NPSR1: variants seen among roughly 807,000 people sequenced by gnomAD.
NPSR1 encodes the protein neuropeptide S receptor.
Under a neutral mutation model 46.9 loss-of-function variants are expected in NPSR1, and 48 were observed. The ratio of observed to expected loss-of-function variants is 1.02; its 90% CI spans 0.81 to 1.30. The LOEUF is 1.30. NPSR1 is among the 50% of genes most tolerant of loss of function. The probability of loss-of-function intolerance (pLI) is 0.00; values close to 1 mark genes in which losing one functional copy is unlikely to be tolerated. For missense variants in NPSR1, 450 were observed against 449.5 expected, an observed-to-expected ratio of 1.00 and a Z score of -0.01; for synonymous variants, 176 against 168.1, an observed-to-expected ratio of 1.05 and a Z score of -0.36.
chr7:34,849,366 C>T, intron 8 of NPSR1, 199 bp from the exon 9 acceptor site: 1 of 1,552,004 alleles, frequency 6.4e-7, no homozygotes, highest in Non-Finnish European at 8.7e-7. Context: ...TGTCTCTGTC[C>T]TCTGGGCTCT....
rs894644797 is a variant in NPSR1, at chr7:34,844,927, A to T, written c.789A>T (p.Gly263=). The part of the protein sequence containing the change: ...DGKLCSSYNR[G]LISKAKIKAI... ...AACTGTGCAGCAGCTATAACCGAGG[A>T]CTCATCTCAAAGGCAAAAATCAAGG... Residue 263 remains glycine (G), a synonymous_variant, in exon 7 of 9, where the codon GGA becomes GGT. Coordinates refer to ENST00000360581, the MANE Select transcript of NPSR1 (RefSeq NM_207172.2). The T allele has an allele frequency of 6.2e-7, 1 of 1,612,264 alleles. No individual in the cohort carries two copies.
intron 3 of NPSR1, among the ~76,000 whole-genome samples, chr7:34,802,646 A>G (rs1469686330): frequency 6.6e-6 from 1 of 150,458 alleles, no homozygotes; most frequent in Admixed American, 6.6e-5. Flanking sequence ...CATTCAGGAC[A>G]TAGGCATGGG....
At chr7:34,776,881 C>T (rs956548794) in intron 2 of NPSR1, among the ~76,000 whole-genome samples, 5 of 152,168 alleles carry the variant, frequency 3.3e-5, no homozygotes, top group Non-Finnish European at 5.9e-5. Context: ...CTTGGAAAGG[C>T]GGCCTCTCAG....
chr7:34,682,186 G>A (rs935271498), intron 1 of NPSR1, among the ~76,000 whole-genome samples: 1 of 152,198 alleles, frequency 6.6e-6, no homozygotes, highest in Non-Finnish European at 1.5e-5. Flanking sequence ...AAGGAATAGG[G>A]AAGAAAGAGA....
chr7:34,864,065 C>A (rs1484196365), intron 8 of NPSR1, among the ~76,000 whole-genome samples: 1 of 151,692 alleles, frequency 6.6e-6, no homozygotes, highest in Non-Finnish European at 1.5e-5. Flanking sequence ...AGTTCATGTC[C>A]TTTGCAGGGA....
intron 2 of NPSR1, chr7:34,685,604 A>T (rs2128685238): frequency 3.1e-6 from 1 of 327,112 alleles, no homozygotes; most frequent in Admixed American, 4.4e-5. Context: ...CTGTACTGTT[A>T]TCTCAGCTGT....
intron 2 of NPSR1, among the ~76,000 whole-genome samples, chr7:34,774,053 T>G (rs1048931278): frequency 6.6e-6 from 1 of 152,180 alleles, no homozygotes; most frequent in Middle Eastern, 3.2e-3. Flanking sequence ...TATACATATA[T>G]TCACACCTTA....
chr7:34,830,201 T>A lies in NPSR1; in HGVS notation c.680+2599T>A, dbSNP rs755256579. The stretch of plus-strand genomic sequence containing the variant: ...CTTATTCTGTCTTTATTACCTATAT[T>A]CTGGCCCCCTGGGCTCAATTCTCTG... On this transcript the variant is annotated intron_variant, in intron 5 of 8. Coordinates refer to ENST00000360581, the MANE Select transcript of NPSR1 (RefSeq NM_207172.2). Among the ~76,000 whole-genome samples the A allele has an allele frequency of 6.7e-3, 1,015 of 152,348 alleles. 7 individuals carry two copies. Among genetic ancestry groups the A allele is most frequent in the African/African-American group, 0.023 (964 of 41,586 alleles).
At position 34,834,390 on chromosome 7, in the gene NPSR1, G is replaced by A. The variant is rs775960737; in HGVS notation, c.687G>A (p.Met229Ile). ...YFIPLTIISI[M>I]YGIVIRTIWI... The stretch of plus-strand genomic sequence containing the variant: ...CCTTTGGTTCTTTCTGCAGCATCAT[G>A]TATGGCATTGTGATCCGAACTATTT... Residue 229 changes from methionine (M) to isoleucine (I), a missense_variant, in exon 6 of 9, where the codon ATG (methionine) becomes ATA (isoleucine). By Grantham distance (10) the Met-to-Ile change is conservative. Coordinates refer to ENST00000360581, the MANE Select transcript of NPSR1 (RefSeq NM_207172.2). 11 of 1,613,156 alleles carry A rather than the reference G, an allele frequency of 6.8e-6. No homozygotes were observed. The Admixed American group carries it at 1.5e-4, about 22-fold the overall frequency.
chr7:34,722,349 A>C (rs1783903580), intron 2 of NPSR1, among the ~76,000 whole-genome samples: 1 of 152,226 alleles, frequency 6.6e-6, no homozygotes, highest in Admixed American at 6.5e-5. Context: ...GTTATAATCT[A>C]ATACTTAGTA....
At chr7:34,721,595 G>T (rs1783860851) in intron 2 of NPSR1, among the ~76,000 whole-genome samples, 1 of 152,108 alleles carries the variant, frequency 6.6e-6, no homozygotes. Context: ...TAAAGAAAAA[G>T]GCCCCAAAGT....
Position 34,849,875 on chromosome 7 carries a change from C to T in NPSR1, c.*220C>T. On this transcript the variant is annotated 3_prime_UTR_variant, in exon 9 of 9. Transcript: ENST00000360581. ...ATGCCAGCCAGGAAGGAAACGCCTT[C>T]CTTCCCCACCATTCCCAGCCCTCCT... 1 of 1,314,064 alleles carries T rather than the reference C, an allele frequency of 7.6e-7. No homozygotes were observed. The highest frequency in any genetic ancestry group is 9.7e-7 in the Non-Finnish European group (1 of 1,026,248). 81.4% of individuals were successfully genotyped at this position (1,314,064 alleles called of 1,614,324 possible).
intron 8 of NPSR1, among the ~76,000 whole-genome samples, chr7:34,866,149 C>T (rs1289803690): frequency 1.3e-5 from 2 of 151,842 alleles, no homozygotes; most frequent in African/African-American, 4.9e-5. Flanking sequence ...CGTTTTGTCC[C>T]ACACGGCCTC....
chr7:34,662,398 C>T (rs1025018992), intron 1 of NPSR1, among the ~76,000 whole-genome samples: 1 of 122,530 alleles, frequency 8.2e-6, no homozygotes, highest in African/African-American at 4.0e-5. Context: ...CAAATTTCAA[C>T]TCAACGCATG....
chr7:34,759,188 T>A (rs1341346623), intron 2 of NPSR1, among the ~76,000 whole-genome samples: 4 of 152,184 alleles, frequency 2.6e-5, no homozygotes, highest in Admixed American at 2.6e-4. Flanking sequence ...ATTTTAAGAG[T>A]ACATAGCCAT....
chr7:34,751,653 A>G lies in NPSR1; in HGVS notation c.281-26809A>G, dbSNP rs1785536445. The G allele has an allele frequency of 1.1e-5, 18 of 1,595,662 alleles. No individual in the cohort carries two copies. The South Asian group carries it at 2.0e-4, about 18-fold the overall frequency. On this transcript the variant is annotated intron_variant, in intron 2 of 8. Transcript: ENST00000360581. ...GCTCCAAGTGGACCAGCTGCTGCAG[A>G]GCCACATCCCCAGCCAGGGACAAGA...
At chr7:34,755,722 A>T (rs1024055297) in intron 2 of NPSR1, among the ~76,000 whole-genome samples, 5 of 152,132 alleles carry the variant, frequency 3.3e-5, no homozygotes, top group Non-Finnish European at 7.3e-5. Context: ...TGTCCTAAAA[A>T]CACCTTTAAG....
intron 2 of NPSR1, among the ~76,000 whole-genome samples, chr7:34,699,317 TA>T (rs1793700114): frequency 6.6e-6 from 1 of 152,226 alleles, no homozygotes; most frequent in Non-Finnish European, 1.5e-5. Flanking sequence ...CTGTCTCTAC[TA>T]AAAAATTTTT....
intron 2 of NPSR1, among the ~76,000 whole-genome samples, chr7:34,720,405 T>G (rs1483608227): frequency 6.6e-6 from 1 of 152,084 alleles, no homozygotes; most frequent in Non-Finnish European, 1.5e-5. Context: ...AAGCAGAATG[T>G]GGACTCTATA....
Sources: gnomAD v4.1 joint callset for allele counts (sites outside exome capture counted in the v4.1 genomes callset) on GRCh38, gnomAD v4.1.1 for gene constraint, MANE v1.5 for transcripts, NCBI Gene and HGNC (gene_info 2026-07-23, HGNC 2026-07-21) for gene names.